CCDC3: variants seen among roughly 807,000 people sequenced by gnomAD.
CCDC3 encodes the protein coiled-coil domain-containing protein 3.
Under a neutral mutation model 21.4 loss-of-function variants are expected in CCDC3, and 24 were observed. The observed-to-expected ratio is 1.12, with a 90% CI of 0.81 to 1.58. The LOEUF (loss-of-function observed/expected upper bound fraction) is 1.58, where lower values mean the gene tolerates loss of function less well. CCDC3 is among the 40% of genes most tolerant of loss of function. CCDC3 has a pLI of 0.00. For missense variants in CCDC3, 425 were observed against 360.9 expected, an observed-to-expected ratio of 1.18 and a Z score of -1.44; for synonymous variants, 186 against 166.0, an observed-to-expected ratio of 1.12 and a Z score of -0.93.
At chr10:13,022,269 A>G (rs1306905845) in intron 5 of CCDC3, among the ~76,000 whole-genome samples, 1 of 151,888 alleles carries the variant, frequency 6.6e-6, no homozygotes, top group Admixed American at 6.6e-5. Context: ...CACCCCTTCC[A>G]CACCTATAAG....
chr10:12,953,778 G>C (rs1476403062), intron 2 of CCDC3, among the ~76,000 whole-genome samples: 1 of 152,210 alleles, frequency 6.6e-6, no homozygotes, highest in Non-Finnish European at 1.5e-5. Context: ...AAAACCTTTT[G>C]TGTAGGGAGA....
intron 5 of CCDC3, among the ~76,000 whole-genome samples, chr10:13,020,526 A>G (rs1288260750): frequency 2.6e-5 from 4 of 152,216 alleles, no homozygotes; most frequent in Non-Finnish European, 2.9e-5. Context: ...CCTACAACAC[A>G]TTTCTTTCTT....
At chr10:12,918,746 C>G (rs1165836919) in intron 2 of CCDC3, among the ~76,000 whole-genome samples, 1 of 152,002 alleles carries the variant, frequency 6.6e-6, no homozygotes, top group African/African-American at 2.4e-5. Flanking sequence ...CATACATTAT[C>G]GAGTAGAAAA....
At chr10:12,919,156 G>C (rs528598319) in intron 2 of CCDC3, among the ~76,000 whole-genome samples, 1 of 152,180 alleles carries the variant, frequency 6.6e-6, no homozygotes, top group Admixed American at 6.5e-5. Flanking sequence ...TTTTTTAAGG[G>C]TCTATGTATT....
chr10:12,992,619 A>G (rs61259411), intron 2 of CCDC3, among the ~76,000 whole-genome samples: 30,438 of 151,966 alleles, frequency 0.2, 3,563 homozygotes, highest in African/African-American at 0.32. Context: ...ACGCAAAGGC[A>G]TAAGATTAAG....
In CCDC3 at chr10:13,001,344, G is replaced by T. The variant is rs1024168999; in HGVS notation, c.227C>A (p.Ser76Ter). ...YHAGQGGLFY[S>*]AEVEMLCDQA... ...GTCGCACAGCATCTCGACCTCGGCC[G>T]AGTAGAAGAGGCCCCCCTGGCCGGC... The change falls in exon 1 of 3, where the codon TCG becomes TAG. Residue 76 changes from serine (S) to a stop codon, truncating the protein, a stop_gained. Coordinates refer to ENST00000378825, the MANE Select transcript of CCDC3 (RefSeq NM_031455.4). LOFTEE classifies it high-confidence loss of function. The T allele has an allele frequency of 6.2e-7, 1 of 1,602,930 alleles. No individual in the cohort carries two copies. The highest frequency in any genetic ancestry group is 1.1e-5 in the South Asian group (1 of 88,380).
chr10:13,096,103 TTTCCTTCCTTCC>T (rs145259198), intron 3 of CCDC3, among the ~76,000 whole-genome samples: 1 of 151,524 alleles, frequency 6.6e-6, no homozygotes, highest in Non-Finnish European at 1.5e-5. Context: ...TTTCTTTTCT[TTTCCTTCCTTCC>T]TTCCTTCCCT....
At chr10:13,030,025 A>G (rs1235128568) in intron 5 of CCDC3, among the ~76,000 whole-genome samples, 1 of 152,218 alleles carries the variant, frequency 6.6e-6, no homozygotes, top group Non-Finnish European at 1.5e-5. Flanking sequence ...GAGCAACTCC[A>G]AGACACATAA....
intron 3 of CCDC3, among the ~76,000 whole-genome samples, chr10:13,078,071 C>A (rs1836987674): frequency 6.6e-6 from 1 of 152,188 alleles, no homozygotes; most frequent in Non-Finnish European, 1.5e-5. Flanking sequence ...AGTGAACAGG[C>A]AACCTACAGA....
In CCDC3 at chr10:12,898,398, T is replaced by C; in HGVS notation, c.*18A>G. On this transcript the variant is annotated 3_prime_UTR_variant, in exon 3 of 3. Coordinates refer to ENST00000378825, the MANE Select transcript of CCDC3 (RefSeq NM_031455.4). ...ACCGTCAGGATTGGCCCTGCACACC[T>C]GGCAGCCCCCAGGCCCGTTACCCCC... 1.9e-6 allele frequency: 3 copies of C among 1,574,550 alleles called. No homozygotes were observed. The highest frequency in any genetic ancestry group is 1.1e-5 in the South Asian group (1 of 87,258).
At chr10:12,944,334 T>C (rs1024562129) in intron 2 of CCDC3, among the ~76,000 whole-genome samples, 14 of 152,192 alleles carry the variant, frequency 9.2e-5, no homozygotes, top group African/African-American at 3.4e-4. Context: ...AACCTTGGCT[T>C]CCACAACCCC....
At chr10:13,017,208 A>G (rs1230012971) in intron 5 of CCDC3, among the ~76,000 whole-genome samples, 1 of 151,976 alleles carries the variant, frequency 6.6e-6, no homozygotes, top group Non-Finnish European at 1.5e-5. Context: ...TGTAAGCCAG[A>G]TGAAGTTCTA....
At chr10:13,004,332 T>C (rs1317468363), upstream of CCDC3, among the ~76,000 whole-genome samples, 1 of 152,190 alleles carries the variant, frequency 6.6e-6, no homozygotes, top group Non-Finnish European at 1.5e-5. Context: ...ATGGGACATG[T>C]GGTAAAACCA....
At chr10:13,087,931 T>C (rs753521576) in intron 3 of CCDC3, among the ~76,000 whole-genome samples, 2 of 152,180 alleles carry the variant, frequency 1.3e-5, no homozygotes, top group Non-Finnish European at 2.9e-5. Context: ...ACGGATAGCA[T>C]TGCAAGCTGA....
intron 5 of CCDC3, among the ~76,000 whole-genome samples, chr10:13,012,340 A>G (rs1835994323): frequency 6.6e-6 from 1 of 152,190 alleles, no homozygotes; most frequent in Non-Finnish European, 1.5e-5. Context: ...CTTTAAACCT[A>G]CAAGCAAACA....
intron 2 of CCDC3, among the ~76,000 whole-genome samples, chr10:12,948,963 C>A (rs551413373): frequency 4.3e-4 from 65 of 152,094 alleles, no homozygotes; most frequent in Admixed American, 4.2e-3. Context: ...GATCTCCTGA[C>A]CTCGTGATCC....
intron 2 of CCDC3, among the ~76,000 whole-genome samples, chr10:12,978,550 CAGAG>C (rs10578839): frequency 0.044 from 6,511 of 148,646 alleles, 155 homozygotes; most frequent in Middle Eastern, 0.083. Context: ...AGAATGGAAC[CAGAG>C]AGAGAGAGAG....
At chr10:12,935,964 T>G (rs1834730778) in intron 2 of CCDC3, among the ~76,000 whole-genome samples, 1 of 152,246 alleles carries the variant, frequency 6.6e-6, no homozygotes, top group South Asian at 2.1e-4. Flanking sequence ...CATCTACTTT[T>G]ACAAAAGTGA....
intron 2 of CCDC3, among the ~76,000 whole-genome samples, chr10:12,977,837 T>G (rs999629316): frequency 6.6e-6 from 1 of 152,180 alleles, no homozygotes; most frequent in African/African-American, 2.4e-5. Flanking sequence ...CATTAGCAGT[T>G]TCAGATAAAT....
Sources: gnomAD v4.1 joint callset for allele counts (sites outside exome capture counted in the v4.1 genomes callset) on GRCh38, gnomAD v4.1.1 for gene constraint, MANE v1.5 for transcripts, NCBI Gene and HGNC (gene_info 2026-07-23, HGNC 2026-07-21) for gene names.